The following RCAN3 variants were observed in gnomAD, a reference collection of about 807,000 sequenced individuals.
RCAN3 encodes calcipressin-3.
Under a neutral mutation model 21.9 loss-of-function variants are expected in RCAN3, and 19 were observed. That is an observed-to-expected ratio of 0.87 (90% CI 0.61 to 1.27). The LOEUF is 1.27. RCAN3 is among the 50% of genes most tolerant of loss of function. The pLI is 0.00. For missense variants in RCAN3, 240 were observed against 300.1 expected (o/e 0.80, Z 1.48); for synonymous variants, 114 against 112.3 (o/e 1.01, Z -0.09).
At chr1:24,517,318 CAT>C (rs977259697) in intron 2 of RCAN3, among the ~76,000 whole-genome samples, 7 of 152,010 alleles carry the variant, frequency 4.6e-5, no homozygotes, top group Non-Finnish European at 1.0e-4. Context: ...GGTTTCACCA[CAT>C]TGGCCAGGCT....
chr1:24,507,191 C>T (rs560373315), intron 1 of RCAN3, among the ~76,000 whole-genome samples: 5 of 152,296 alleles, frequency 3.3e-5, no homozygotes, highest in South Asian at 4.1e-4. Flanking sequence ...TCATGCCACC[C>T]CCACCAAACA....
intron 2 of RCAN3, among the ~76,000 whole-genome samples, chr1:24,514,807 A>T (rs1648162158): frequency 6.6e-6 from 1 of 152,022 alleles, no homozygotes; most frequent in Non-Finnish European, 1.5e-5. Context: ...TGTCTCTACT[A>T]AAAATGCAAA....
In RCAN3 at chr1:24,535,249, A is replaced by T. The variant is rs537734865; in HGVS notation, c.698A>T (p.Glu233Val). ...GACCCTCCGACCGCAGCGTTGAATG[A>T]GCCCCAGACCTTTGATTGCGCGCTG... Reference protein sequence around the residue: ...RPDPPTAALNEPQTFDCAL With the variant: ...RPDPPTAALNVPQTFDCAL Residue 233 changes from glutamate (E) to valine (V), a missense_variant, in exon 5 of 5, where the codon GAG (glutamate) becomes GTG (valine). By Grantham distance (121) the Glu-to-Val change is moderately radical. Coordinates refer to ENST00000374395, the MANE Select transcript of RCAN3 (RefSeq NM_013441.4). The T allele has an allele frequency of 6.4e-7, 1 of 1,571,544 alleles. No individual in the cohort carries two copies. The highest frequency in any genetic ancestry group is 1.4e-5 in the African/African-American group (1 of 72,072).
chr1:24,532,109 G>T (rs1349866715), intron 3 of RCAN3, among the ~76,000 whole-genome samples: 1 of 152,124 alleles, frequency 6.6e-6, no homozygotes, highest in Non-Finnish European at 1.5e-5. Context: ...TTTCTTGGTA[G>T]AGTCTCTTGA....
At chr1:24,522,192 CAT>C (rs985928591) in intron 2 of RCAN3, among the ~76,000 whole-genome samples, 41 of 152,244 alleles carry the variant, frequency 2.7e-4, no homozygotes, top group Middle Eastern at 3.4e-3. Flanking sequence ...TATACACACA[CAT>C]GTGTGTGCGG....
chr1:24,523,938 T>C (rs138912879), intron 2 of RCAN3, among the ~76,000 whole-genome samples: 133 of 152,342 alleles, frequency 8.7e-4, no homozygotes, highest in African/African-American at 3.1e-3. Flanking sequence ...TAAAATTTTA[T>C]ATATTGGCCA....
chr1:24,534,643 T>C (rs920693849), intron 4 of RCAN3, among the ~76,000 whole-genome samples: 2 of 138,546 alleles, frequency 1.4e-5, no homozygotes, highest in African/African-American at 5.5e-5. Flanking sequence ...CGACTGAAAA[T>C]ACAAAAATTA....
intron 4 of RCAN3, among the ~76,000 whole-genome samples, chr1:24,533,592 G>C (rs1454182179): frequency 6.6e-6 from 1 of 152,186 alleles, no homozygotes; most frequent in East Asian, 1.9e-4. Context: ...TTGAGGTCAG[G>C]AGTTCGAGAC....
In RCAN3 at chr1:24,502,841, A is replaced by C. The variant is rs1557559997; in HGVS notation, c.-369A>C. ...CGCCGTGCGCGCGCCCTGCCAGAAC[A>C]GGAGGGGACGAGGCGGGCGCGCGGC... On this transcript the variant is annotated 5_prime_UTR_variant, in exon 1 of 5. Coordinates refer to ENST00000374395, the MANE Select transcript of RCAN3 (RefSeq NM_013441.4). 4 of 150,198 alleles carry C rather than the reference A, an allele frequency of 2.7e-5. No homozygotes were observed. Among genetic ancestry groups the C allele is most frequent in the Admixed American group, 6.6e-5 (1 of 15,106 alleles). 9.3% of individuals were successfully genotyped at this position (150,198 alleles called of 1,614,324 possible). A position where few individuals can be genotyped will look rare whatever the true frequency, so the allele number is the denominator to read the frequency against.
At chr1:24,506,879 C>T (rs1304623822) in intron 1 of RCAN3, among the ~76,000 whole-genome samples, 1 of 151,894 alleles carries the variant, frequency 6.6e-6, no homozygotes, top group African/African-American at 2.4e-5. Context: ...TTGACTTTCT[C>T]AAATTTCAAA....
intron 2 of RCAN3, among the ~76,000 whole-genome samples, chr1:24,518,916 G>C (rs1425005494): frequency 6.6e-6 from 1 of 152,050 alleles, no homozygotes; most frequent in Non-Finnish European, 1.5e-5. Context: ...TAGGATTACA[G>C]GCATCCACCA....
chr1:24,520,748 G>T (rs1000592465), intron 2 of RCAN3, among the ~76,000 whole-genome samples: 2 of 151,228 alleles, frequency 1.3e-5, no homozygotes, highest in Admixed American at 1.3e-4. Flanking sequence ...CGAGTTAATG[G>T]GTGCAGCACA....
chr1:24,513,968 C>A (rs1648093227), intron 1 of RCAN3, among the ~76,000 whole-genome samples: 1 of 152,190 alleles, frequency 6.6e-6, no homozygotes, highest in South Asian at 2.1e-4. Context: ...TATGTGGAGG[C>A]TCTTCTGGTT....
Position 24,539,523 on chromosome 1 carries a change from A to C in RCAN3, c.*4246A>C, listed in dbSNP as rs1650397736. The stretch of plus-strand genomic sequence containing the variant: ...ACTTAAGAGGTAACTCTACTAAAGC[A>C]GAATGAGATCTAATATGTTGTGGAA... On this transcript the variant is annotated 3_prime_UTR_variant, in exon 5 of 5. Coordinates refer to ENST00000374395, the MANE Select transcript of RCAN3 (RefSeq NM_013441.4). 6.6e-6 allele frequency: 1 copy of C among 152,234 alleles called. No homozygotes were observed. The highest frequency in any genetic ancestry group is 1.5e-5 in the Non-Finnish European group (1 of 68,034). 9.4% of individuals were successfully genotyped at this position (152,234 alleles called of 1,614,324 possible).
chr1:24,504,828 A>G (rs1647306784), intron 1 of RCAN3, among the ~76,000 whole-genome samples: 1 of 152,236 alleles, frequency 6.6e-6, no homozygotes. Flanking sequence ...CACAACAAAT[A>G]GCATCAGTCT....
intron 1 of RCAN3, 43 bp from the exon 2 acceptor site, chr1:24,514,271 G>T: frequency 5.3e-6 from 5 of 951,046 alleles, no homozygotes; most frequent in Non-Finnish European, 7.6e-6. Flanking sequence ...AACATTATTT[G>T]GTCTTCGGAG....
intron 1 of RCAN3, among the ~76,000 whole-genome samples, chr1:24,503,815 G>A (rs1384143216): frequency 6.6e-6 from 1 of 152,190 alleles, no homozygotes; most frequent in African/African-American, 2.4e-5. Context: ...AAAAATATTC[G>A]CTTCCACTTG....
At chr1:24,524,516 T>C (rs1436780172) in intron 2 of RCAN3, among the ~76,000 whole-genome samples, 1 of 152,220 alleles carries the variant, frequency 6.6e-6, no homozygotes, top group Non-Finnish European at 1.5e-5. Flanking sequence ...TCACCATGTC[T>C]AGCTGTATGT....
chr1:24,526,118 G>T (rs576058620), intron 2 of RCAN3, among the ~76,000 whole-genome samples: 180 of 152,256 alleles, frequency 1.2e-3, no homozygotes, highest in Non-Finnish European at 1.2e-3. Flanking sequence ...GAGAGACAGG[G>T]TCTCACTCTG....
Sources: allele counts gnomAD v4.1 joint callset (sites outside exome capture counted in the v4.1 genomes callset), GRCh38; gene constraint gnomAD v4.1.1; transcripts MANE v1.5; gene names NCBI Gene and HGNC (gene_info 2026-07-23, HGNC 2026-07-21).